ZRANB3: variants seen among roughly 807,000 people sequenced by gnomAD.
The protein encoded by ZRANB3 is zinc finger RANBP2-type containing 3.
Under a neutral mutation model 133.8 loss-of-function variants are expected in ZRANB3, and 125 were observed. The observed-to-expected ratio is 0.93, with a 90% CI of 0.81 to 1.08. ZRANB3 has a LOEUF of 1.08. Ranked by LOEUF, ZRANB3 falls within the 50% of genes least tolerant of loss-of-function variation. The pLI is 0.00. For missense variants in ZRANB3, 1,229 were observed against 1,275.5 expected, an observed-to-expected ratio of 0.96 and a Z score of 0.56; for synonymous variants, 387 against 432.7, an observed-to-expected ratio of 0.89 and a Z score of 1.31.
chr2:135,232,286 T>TG lies in ZRANB3; in HGVS notation c.1540-1360dup, dbSNP rs539263330. Among the ~76,000 whole-genome samples, 451 of 152,246 alleles carry TG rather than the reference T, an allele frequency of 3.0e-3. 3 individuals carry two copies. Among genetic ancestry groups the TG allele is most frequent in the African/African-American group, 0.01 (420 of 41,540 alleles). ...CTGAGGCTTGAGTAGGTAAACAAAGTGCCTGGAAGCTCGAACTGGGTGGAG... is the reference window on the plus strand; with the variant it reads ...CTGAGGCTTGAGTAGGTAAACAAAGTGGCCTGGAAGCTCGAACTGGGTGGAG... On this transcript the variant is annotated intron_variant, in intron 12 of 20. Coordinates refer to ENST00000264159, the MANE Select transcript of ZRANB3 (RefSeq NM_032143.4).
At chr2:135,418,925 C>CTTTTTTTTTTTTTTTTTTTT (rs769271961) in intron 2 of ZRANB3, among the ~76,000 whole-genome samples, 17 of 85,898 alleles carry the variant, frequency 2.0e-4, no homozygotes, top group African/African-American at 5.4e-4. Flanking sequence ...AGGATTCTCT[C>CTTTTTTTTTTTTTTTTTTTT]TTTTTTTTTT....
chr2:135,445,318 C>G (rs1293586391), intron 2 of ZRANB3, among the ~76,000 whole-genome samples: 1 of 152,016 alleles, frequency 6.6e-6, no homozygotes, highest in Non-Finnish European at 1.5e-5. Context: ...TTGGCAAACT[C>G]CTGTAGTTCC....
chr2:135,429,664 G>A (rs1689235336), intron 2 of ZRANB3, among the ~76,000 whole-genome samples: 1 of 152,026 alleles, frequency 6.6e-6, no homozygotes, highest in Non-Finnish European at 1.5e-5. Flanking sequence ...CCATATTGGA[G>A]AGTTAACAGA....
intron 6 of ZRANB3, among the ~76,000 whole-genome samples, chr2:135,326,106 G>T (rs1026510397): frequency 6.6e-6 from 1 of 151,970 alleles, no homozygotes; most frequent in African/African-American, 2.4e-5. Context: ...ACAAACTACA[G>T]GGAAAAAACT....
intron 9 of ZRANB3, among the ~76,000 whole-genome samples, chr2:135,272,100 G>C (rs887274957): frequency 3.3e-5 from 5 of 152,138 alleles, no homozygotes; most frequent in Non-Finnish European, 7.3e-5. Context: ...TAAGCTACTT[G>C]AGGGTAGAGT....
At chr2:135,349,268 C>A (rs944582962) in intron 5 of ZRANB3, among the ~76,000 whole-genome samples, 9 of 152,144 alleles carry the variant, frequency 5.9e-5, no homozygotes, top group Non-Finnish European at 8.8e-5. Flanking sequence ...GGGTGAGGAA[C>A]TTTCAAAGCA....
rs1683101902 is a variant in ZRANB3 at position 135,313,505 on chromosome 2, T to G, written c.950A>C (p.Gln317Pro). 6.2e-7 allele frequency: 1 copy of G among 1,612,010 alleles called. No individual in the cohort carries two copies. The highest frequency in any genetic ancestry group is 1.3e-5 in the African/African-American group (1 of 75,014). ...VMGLITRMFK[Q>P]TAIAKAGAVK... ...AAAGAGTACCTTGGCAATAGCAGTT[T>G]GTTTAAACATGCGAGTTATCAACCC... The change falls in exon 8 of 21, where the codon CAA becomes CCA. Residue 317 changes from glutamine to proline, a missense_variant. Physicochemically the swap from Gln to Pro is moderately conservative, Grantham distance 76. Transcript: ENST00000264159.
At chr2:135,387,020 A>G (rs1424245908) in intron 3 of ZRANB3, among the ~76,000 whole-genome samples, 3 of 151,986 alleles carry the variant, frequency 2.0e-5, no homozygotes, top group Admixed American at 6.6e-5. Flanking sequence ...AAAGAAAAAG[A>G]TAACAGTGAA....
chr2:135,297,747 C>T (rs1682217091), intron 8 of ZRANB3, among the ~76,000 whole-genome samples: 1 of 152,194 alleles, frequency 6.6e-6, no homozygotes, highest in East Asian at 1.9e-4. Context: ...TGTCAGATTG[C>T]ATTAATTTGA....
intron 19 of ZRANB3, among the ~76,000 whole-genome samples, chr2:135,205,050 A>C (rs1176840980): frequency 6.6e-6 from 1 of 152,064 alleles, no homozygotes; most frequent in African/African-American, 2.4e-5. Context: ...ATCTTTCAGG[A>C]ACTCTGGATA....
chr2:135,398,517 G>C (rs901983766), intron 2 of ZRANB3, among the ~76,000 whole-genome samples: 2 of 115,294 alleles, frequency 1.7e-5, no homozygotes, highest in East Asian at 2.4e-4. Flanking sequence ...CATTTCTTTT[G>C]TCACTTTTTT....
chr2:135,327,363 C>T (rs1303095253), intron 6 of ZRANB3, among the ~76,000 whole-genome samples: 2 of 151,980 alleles, frequency 1.3e-5, no homozygotes, highest in African/African-American at 2.4e-5. Flanking sequence ...GCTTATAAGA[C>T]ATGTTGGAAG....
At chr2:135,476,740 G>C (rs894365678) in intron 2 of ZRANB3, among the ~76,000 whole-genome samples, 15 of 125,144 alleles carry the variant, frequency 1.2e-4, no homozygotes, top group African/African-American at 4.6e-4. Flanking sequence ...GTCTCACTCT[G>C]TCTCCCAGGC....
At chr2:135,403,580 T>C (rs990838907) in intron 2 of ZRANB3, among the ~76,000 whole-genome samples, 1 of 152,216 alleles carries the variant, frequency 6.6e-6, no homozygotes, top group Admixed American at 6.5e-5. Flanking sequence ...TAAATGTTCT[T>C]GTCTGACAGC....
chr2:135,476,943 A>G (rs1691526009), intron 2 of ZRANB3, among the ~76,000 whole-genome samples: 1 of 152,060 alleles, frequency 6.6e-6, no homozygotes, highest in South Asian at 2.1e-4. Context: ...CTGGTCTCAA[A>G]TTCCTGGGCT....
At chr2:135,367,828 A>G (rs1459868010) in intron 3 of ZRANB3, among the ~76,000 whole-genome samples, 2 of 152,174 alleles carry the variant, frequency 1.3e-5, no homozygotes, top group African/African-American at 2.4e-5. Flanking sequence ...TGTTTTCCCA[A>G]TATAACTAAA....
At chr2:135,408,541 C>T (rs1436059466) in intron 2 of ZRANB3, among the ~76,000 whole-genome samples, 1 of 152,140 alleles carries the variant, frequency 6.6e-6, no homozygotes, top group Non-Finnish European at 1.5e-5. Context: ...TTTATTGCGG[C>T]ACTATTCACA....
At chr2:135,369,359 A>G (rs1345705483) in intron 3 of ZRANB3, among the ~76,000 whole-genome samples, 1 of 152,162 alleles carries the variant, frequency 6.6e-6, no homozygotes. Context: ...ATATTTTATT[A>G]ATAGTTTGTT....
chr2:135,508,150 T>C (rs987887157), intron 1 of ZRANB3, among the ~76,000 whole-genome samples: 28 of 152,304 alleles, frequency 1.8e-4, no homozygotes, highest in African/African-American at 5.5e-4. Context: ...TTGTTTTTTT[T>C]CTTTTGAGAT....
Sources: allele counts gnomAD v4.1 joint callset (sites outside exome capture counted in the v4.1 genomes callset), GRCh38; gene constraint gnomAD v4.1.1; transcripts MANE v1.5; gene names NCBI Gene and HGNC (gene_info 2026-07-23, HGNC 2026-07-21).